SEL1L2: variants seen among roughly 807,000 people sequenced by gnomAD.
SEL1L2 encodes protein sel-1 homolog 2.
In SEL1L2, 89 loss-of-function variants were observed where a neutral mutation model predicts 98.8. That is an observed-to-expected ratio of 0.90 (90% CI 0.76 to 1.07). The LOEUF (loss-of-function observed/expected upper bound fraction) is 1.07, where lower values mean the gene tolerates loss of function less well. SEL1L2 is among the 50% of genes least tolerant of loss of function. SEL1L2 has a pLI of 0.00. For missense variants in SEL1L2, 788 were observed against 812.0 expected (o/e 0.97, Z 0.36); for synonymous variants, 262 against 278.5 (o/e 0.94, Z 0.59).
At chr20:13,971,459 T>A (rs1043582510) in intron 1 of SEL1L2, among the ~76,000 whole-genome samples, 10 of 152,192 alleles carry the variant, frequency 6.6e-5, no homozygotes, top group African/African-American at 1.7e-4. Flanking sequence ...GGGGTCTCAC[T>A]CTGTCATCCA....
At chr20:13,886,036 CAA>C (rs11476832) in intron 9 of SEL1L2, among the ~76,000 whole-genome samples, 17 of 123,892 alleles carry the variant, frequency 1.4e-4, no homozygotes, top group Admixed American at 2.5e-4. Flanking sequence ...GACTCCAACT[CAA>C]AAAAAAAAAA....
In SEL1L2 at chr20:13,890,298, G is replaced by A. The variant is rs59912466; in HGVS notation, c.550-1786C>T. Among the ~76,000 whole-genome samples the A allele has an allele frequency of 1.4e-3, 206 of 152,140 alleles. 3 individuals carry two copies. Among genetic ancestry groups the A allele is most frequent in the African/African-American group, 4.5e-3 (185 of 41,486 alleles). ...AGCCAGTATATTTTCCATCCCTAGG[G>A]GCTACTGAGAACAAAAGAGCTCAAT... is the stretch of plus-strand genomic sequence containing the variant. On this transcript the variant is annotated intron_variant, in intron 5 of 19. Transcript: ENST00000284951.
At chr20:13,920,227 C>CCA (rs549540138) in intron 3 of SEL1L2, among the ~76,000 whole-genome samples, 6 of 103,156 alleles carry the variant, frequency 5.8e-5, no homozygotes, top group East Asian at 5.5e-4. Flanking sequence ...GACTCCGTCC[C>CCA]AAAAAAAAAA....
intron 1 of SEL1L2, among the ~76,000 whole-genome samples, chr20:13,964,031 C>T (rs1020939961): frequency 6.6e-6 from 1 of 151,900 alleles, no homozygotes. Context: ...GCCACCACTC[C>T]CAGCTAATTT....
chr20:13,897,242 A>T (rs141062959), intron 5 of SEL1L2, among the ~76,000 whole-genome samples: 81 of 152,344 alleles, frequency 5.3e-4, no homozygotes, highest in African/African-American at 1.9e-3. Flanking sequence ...ACTCTAGATC[A>T]TATACAAAAG....
chr20:13,989,482 T>G (rs1416606566), intron 1 of SEL1L2, among the ~76,000 whole-genome samples: 2 of 152,236 alleles, frequency 1.3e-5, no homozygotes, highest in Non-Finnish European at 2.9e-5. Flanking sequence ...GTAATTGCCA[T>G]AGCTAGAACT....
chr20:13,990,283 A>G (rs1168497480), intron 1 of SEL1L2, among the ~76,000 whole-genome samples, 194 bp downstream of exon 1: 2 of 152,124 alleles, frequency 1.3e-5, no homozygotes, highest in African/African-American at 4.8e-5. Flanking sequence ...CACCCTTCCC[A>G]AGTATTATCC....
intron 2 of SEL1L2, among the ~76,000 whole-genome samples, chr20:13,949,541 G>A (rs889769085): frequency 3.9e-5 from 6 of 152,176 alleles, no homozygotes; most frequent in African/African-American, 1.4e-4. Context: ...GCAGGTGCCT[G>A]TAGTCCCAGC....
chr20:13,901,071 C>CTTTTTTTTTTTTTTTTTTTTTTTTTTTT lies in SEL1L2; in HGVS notation c.550-12560_550-12559insAAAAAAAAAAAAAAAAAAAAAAAAAAAA, dbSNP rs746353560. ...CTTTTCTTTTTCTTTTTCTTTCTTTCTTTCTTTTTTTTTTTTTGAGACGGA... is the reference window on the plus strand; with the variant it reads ...CTTTTCTTTTTCTTTTTCTTTCTTTCTTTTTTTTTTTTTTTTTTTTTTTTTTTTTTTCTTTTTTTTTTTTTGAGACGGA... On this transcript the variant is annotated intron_variant, in intron 5 of 19. Transcript: ENST00000284951. 1.5e-5 allele frequency among the ~76,000 whole-genome samples: 2 copies of CTTTTTTTTTTTTTTTTTTTTTTTTTTTT among 133,302 alleles called. 1 individual carries two copies. The highest frequency in any genetic ancestry group is 5.6e-5 in the African/African-American group (2 of 35,826). 87.5% of individuals were successfully genotyped at this position (133,302 alleles called of 152,430 possible).
chr20:13,915,405 G>C (rs1021417255), intron 4 of SEL1L2, among the ~76,000 whole-genome samples: 2 of 152,164 alleles, frequency 1.3e-5, no homozygotes, highest in African/African-American at 4.8e-5. Flanking sequence ...AAAGGCAAAT[G>C]TCTGGCACCC....
chr20:13,985,348 T>A (rs185371835), intron 1 of SEL1L2, among the ~76,000 whole-genome samples: 2 of 152,324 alleles, frequency 1.3e-5, no homozygotes, highest in Admixed American at 1.3e-4. Flanking sequence ...CTTTCATTCC[T>A]CTGTGTCTTT....
intron 18 of SEL1L2, among the ~76,000 whole-genome samples, 181 bp from the exon 19 acceptor site, chr20:13,850,500 G>C (rs898849128): frequency 5.3e-5 from 8 of 152,268 alleles, no homozygotes; most frequent in Non-Finnish European, 1.0e-4. Context: ...CTCAGGGCTG[G>C]GGATGGAAGA....
chr20:13,855,891 C>T (rs975328491), intron 18 of SEL1L2, among the ~76,000 whole-genome samples: 1 of 152,198 alleles, frequency 6.6e-6, no homozygotes, highest in Non-Finnish European at 1.5e-5. Context: ...AGCTACAAGT[C>T]CTCACTATGG....
chr20:13,982,878 G>T (rs1457020135), intron 1 of SEL1L2, among the ~76,000 whole-genome samples: 1 of 151,372 alleles, frequency 6.6e-6, no homozygotes, highest in Non-Finnish European at 1.5e-5. Flanking sequence ...ACAAAAATTA[G>T]CTGGGCGTGG....
At chr20:13,906,992 T>A (rs2047962084) in intron 5 of SEL1L2, among the ~76,000 whole-genome samples, 1 of 152,170 alleles carries the variant, frequency 6.6e-6, no homozygotes, top group Non-Finnish European at 1.5e-5. Flanking sequence ...TAATTTCAAT[T>A]TGAAATAAAT....
At chr20:13,882,715 A>G (rs2046762306) in intron 10 of SEL1L2, among the ~76,000 whole-genome samples, 1 of 152,158 alleles carries the variant, frequency 6.6e-6, no homozygotes, top group Non-Finnish European at 1.5e-5. Context: ...TGCCAAAATC[A>G]TGAATTAAAT....
In SEL1L2 at chr20:13,967,297, A is replaced by G. The variant is rs533910346; in HGVS notation, c.59-11166T>C. ...CCATGGAAGAAGCAGCTCCTGCTGA[A>G]CTTTACTTTCTCTCTGGCTTTTTCT... On this transcript the variant is annotated intron_variant, in intron 1 of 19. Coordinates refer to ENST00000284951, the MANE Select transcript of SEL1L2 (RefSeq NM_025229.2). Among the ~76,000 whole-genome samples, 11 of 152,280 alleles carry G rather than the reference A, an allele frequency of 7.2e-5. No individual in the cohort carries two copies. In the South Asian group the frequency reaches 2.1e-3, roughly 29 times the overall value.
rs757380050 is a variant in SEL1L2 at position 13,865,462 on chromosome 20, G to A, written c.1457C>T (p.Ala486Val). 6.2e-6 allele frequency: 10 copies of A among 1,613,912 alleles called. No individual in the cohort carries two copies. The African/African-American group carries it at 1.1e-4, about 17-fold the overall frequency. Reference sequence around the variant, plus strand: ...ATCACCATCCTTATAGGCAAAGTAAGCTGTCAGGAATTTCTCAGCCCAGTG... The same window carrying A: ...ATCACCATCCTTATAGGCAAAGTAAACTGTCAGGAATTTCTCAGCCCAGTG... ...LGHWAEKFLT[A>V]YFAYKDGDID... Residue 486 changes from alanine to valine, a missense_variant, in exon 16 of 20, where the codon GCT (alanine) becomes GTT (valine). Ala to Val is a moderately conservative substitution (Grantham distance 64). Transcript: ENST00000284951.
chr20:13,914,614 C>A (rs1384624785), intron 4 of SEL1L2, among the ~76,000 whole-genome samples: 2 of 152,172 alleles, frequency 1.3e-5, no homozygotes, highest in African/African-American at 4.8e-5. Context: ...ACCCTCTAAT[C>A]TATGAAATGG....
Sources: allele counts gnomAD v4.1 joint callset (sites outside exome capture counted in the v4.1 genomes callset), GRCh38; gene constraint gnomAD v4.1.1; transcripts MANE v1.5; gene names NCBI Gene and HGNC (gene_info 2026-07-23, HGNC 2026-07-21).